ZFPM1: variants seen among roughly 807,000 people sequenced by gnomAD.
The protein encoded by ZFPM1 is zinc finger protein ZFPM1.
In ZFPM1, 28 loss-of-function variants were observed where a neutral mutation model predicts 46.3. That is an observed-to-expected ratio of 0.60 (90% CI 0.45 to 0.83). ZFPM1 has a LOEUF of 0.83. Ranked by LOEUF, ZFPM1 falls within the 40% of genes least tolerant of loss-of-function variation. The probability of loss-of-function intolerance (pLI) is 0.00; values close to 1 mark genes in which losing one functional copy is unlikely to be tolerated. For missense variants in ZFPM1, 1,878 were observed against 1,432.4 expected, an observed-to-expected ratio of 1.31 and a Z score of -5.02; for synonymous variants, 957 against 675.9, an observed-to-expected ratio of 1.42 and a Z score of -6.45.
chr16:88,501,143 G>A (rs1486743449), intron 3 of ZFPM1, among the ~76,000 whole-genome samples: 2 of 129,058 alleles, frequency 1.5e-5, no homozygotes, highest in South Asian at 2.4e-4. Flanking sequence ...GGGCCATCCC[G>A]CAGGTGCTGG....
chr16:88,494,587 C>T (rs1364271383), intron 3 of ZFPM1, among the ~76,000 whole-genome samples: 1 of 152,132 alleles, frequency 6.6e-6, no homozygotes, highest in Non-Finnish European at 1.5e-5. Context: ...GGGGTGTCCG[C>T]GGGCCTCCAG....
chr16:88,502,228 G>A (rs902930264), intron 3 of ZFPM1, among the ~76,000 whole-genome samples: 2 of 152,118 alleles, frequency 1.3e-5, no homozygotes, highest in African/African-American at 2.4e-5. Flanking sequence ...GGCCGCCATC[G>A]GCTCGAGGGC....
chr16:88,533,345 A>AAGGTGGAGGCGGTGGAGG lies in ZFPM1; in HGVS notation c.1390_1407dup (p.Val464_Glu469dup), dbSNP rs1381205831. The AAGGTGGAGGCGGTGGAGG allele has an allele frequency of 6.5e-7, 1 of 1,531,734 alleles. No homozygotes were observed. The highest frequency in any genetic ancestry group is 1.4e-5 in the African/African-American group (1 of 72,356). 94.9% of individuals were successfully genotyped at this position (1,531,734 alleles called of 1,614,324 possible). The stretch of plus-strand genomic sequence containing the variant: ...GCCCCCGGCGGCCCCCAGGAGCATC[A>AAGGTGGAGGCGGTGGAGG]AGGTGGAGGCGGTGGAGGAGCCGGA... On this transcript the variant is annotated inframe_insertion, in exon 10 of 10. Transcript: ENST00000319555.
intron 5 of ZFPM1, among the ~76,000 whole-genome samples, chr16:88,527,175 T>C (rs1367459133): frequency 6.6e-6 from 1 of 152,012 alleles, no homozygotes; most frequent in Non-Finnish European, 1.5e-5. Flanking sequence ...TGGGGGAGGA[T>C]TCTGCCCCTC....
At chr16:88,482,610 G>A (rs1373016841) in intron 1 of ZFPM1, among the ~76,000 whole-genome samples, 1 of 152,172 alleles carries the variant, frequency 6.6e-6, no homozygotes, top group East Asian at 1.9e-4. Context: ...TGAGGCTGCA[G>A]CAGGTATGCA....
chr16:88,478,907 G>A (rs1908803310), intron 1 of ZFPM1, among the ~76,000 whole-genome samples: 1 of 152,196 alleles, frequency 6.6e-6, no homozygotes, highest in Non-Finnish European at 1.5e-5. Flanking sequence ...CCGGGGGCCT[G>A]GACCCCACAT....
intron 6 of ZFPM1, among the ~76,000 whole-genome samples, chr16:88,531,582 C>G (rs753777190): frequency 9.8e-5 from 15 of 152,334 alleles, no homozygotes; most frequent in South Asian, 2.1e-4. Flanking sequence ...GCCTGGCACT[C>G]CCACGCACCT....
chr16:88,529,877 C>T (rs1042001576), intron 6 of ZFPM1, among the ~76,000 whole-genome samples: 1 of 152,136 alleles, frequency 6.6e-6, no homozygotes, highest in Non-Finnish European at 1.5e-5. Context: ...CATAATAGCC[C>T]ATGTTATGTG....
intron 1 of ZFPM1, among the ~76,000 whole-genome samples, chr16:88,477,054 C>A (rs1226225476): frequency 4.2e-5 from 6 of 143,736 alleles, no homozygotes; most frequent in African/African-American, 1.5e-4. Context: ...CCACGCAGAC[C>A]TTCCCCGCAG....
chr16:88,461,261 G>C (rs1397947723), intron 1 of ZFPM1, among the ~76,000 whole-genome samples: 1 of 149,576 alleles, frequency 6.7e-6, no homozygotes, highest in Admixed American at 6.6e-5. Flanking sequence ...GCCCTGGTGA[G>C]GACCGACGGG....
chr16:88,499,321 G>A (rs1478722394), intron 3 of ZFPM1, among the ~76,000 whole-genome samples: 2 of 152,268 alleles, frequency 1.3e-5, no homozygotes, highest in African/African-American at 4.8e-5. Flanking sequence ...CAAGCTATGT[G>A]CCAGCCCTGT....
chr16:88,490,489 G>A (rs775165075), intron 3 of ZFPM1, among the ~76,000 whole-genome samples: 20 of 152,234 alleles, frequency 1.3e-4, no homozygotes, highest in Admixed American at 3.9e-4. Flanking sequence ...GGCGCTCGCC[G>A]TGCTGGGGAG....
At chr16:88,493,647 C>G (rs1325090485) in intron 3 of ZFPM1, among the ~76,000 whole-genome samples, 5 of 150,036 alleles carry the variant, frequency 3.3e-5, no homozygotes, top group Non-Finnish European at 5.9e-5. Context: ...GTGCGGTGAG[C>G]TGTCCCGGGG....
chr16:88,526,805 C>T lies in ZFPM1; in HGVS notation c.403-9C>T, dbSNP rs575438749. ...CCCCTCCCCACGTGTTCCTACCCTC[C>T]CCCCCCAGAGCCCAGCCCTGACCCT... On this transcript the variant is annotated splice_polypyrimidine_tract_variant and intron_variant, in intron 4 of 9. Coordinates refer to ENST00000319555, the MANE Select transcript of ZFPM1 (RefSeq NM_153813.3). 1.2e-5 allele frequency: 19 copies of T among 1,538,904 alleles called. No homozygotes were observed. Among genetic ancestry groups the T allele is most frequent in the Non-Finnish European group, 1.7e-5 (19 of 1,139,290 alleles).
upstream of ZFPM1, among the ~76,000 whole-genome samples, chr16:88,452,324 C>T (rs529410580): frequency 7.9e-5 from 12 of 152,362 alleles, no homozygotes; most frequent in African/African-American, 2.6e-4. Flanking sequence ...GACAGCACCG[C>T]GCCCACAAAC....
At chr16:88,487,692 G>A (rs189891058) in intron 2 of ZFPM1, among the ~76,000 whole-genome samples, 9 of 152,226 alleles carry the variant, frequency 5.9e-5, no homozygotes, top group East Asian at 1.9e-4. Flanking sequence ...GGTGGGCCGC[G>A]GCCCCAAGAG....
At chr16:88,520,555 T>TGGGTGGATGGACGGATGGGG (rs746667910) in intron 4 of ZFPM1, among the ~76,000 whole-genome samples, 7,650 of 120,958 alleles carry the variant, frequency 0.063, 674 homozygotes, top group African/African-American at 0.18. Flanking sequence ...AAAGGATGGA[T>TGGGTGGATGGACGGATGGGG]GGATGGATGG....
intron 3 of ZFPM1, among the ~76,000 whole-genome samples, chr16:88,513,558 G>A (rs1185530690): frequency 6.6e-6 from 1 of 152,236 alleles, no homozygotes; most frequent in African/African-American, 2.4e-5. Context: ...TTCCTGGGCA[G>A]AGGGTGTGTG....
At chr16:88,530,895 T>C (rs12935067) in intron 6 of ZFPM1, 15,163 of 152,250 alleles carry the variant, frequency 0.1, 949 homozygotes, top group East Asian at 0.34. Flanking sequence ...AGAAAAGTCG[T>C]TAGAACAGCG....
Sources: allele counts gnomAD v4.1 joint callset (sites outside exome capture counted in the v4.1 genomes callset), GRCh38; gene constraint gnomAD v4.1.1; transcripts MANE v1.5; gene names NCBI Gene and HGNC (gene_info 2026-07-23, HGNC 2026-07-21).